PLCB1: variants seen among roughly 807,000 people sequenced by gnomAD.
PLCB1 encodes phospholipase C beta 1.
Under a neutral mutation model 161.8 loss-of-function variants are expected in PLCB1, and 46 were observed. The observed-to-expected ratio is 0.28, with a 90% CI of 0.22 to 0.36. The LOEUF (loss-of-function observed/expected upper bound fraction) is 0.36, where lower values mean the gene tolerates loss of function less well. PLCB1 is among the 10% of genes least tolerant of loss of function. The pLI is 1.00. For missense variants in PLCB1, 1,016 were observed against 1,472.5 expected (o/e 0.69, Z 5.07); for synonymous variants, 517 against 503.7 (o/e 1.03, Z -0.35).
intron 3 of PLCB1, among the ~76,000 whole-genome samples, chr20:8,535,846 T>C (rs1452563833): frequency 6.6e-6 from 1 of 152,184 alleles, no homozygotes; most frequent in Non-Finnish European, 1.5e-5. Flanking sequence ...TTTACCATGA[T>C]GCTGGTGAAA....
intron 3 of PLCB1, among the ~76,000 whole-genome samples, chr20:8,611,922 G>C (rs945295568): frequency 3.9e-5 from 6 of 152,138 alleles, no homozygotes; most frequent in Non-Finnish European, 7.4e-5. Flanking sequence ...CTCCAGCTTG[G>C]ATGATGGAGG....
intron 31 of PLCB1, among the ~76,000 whole-genome samples, chr20:8,828,494 C>T (rs1156943538): frequency 2.0e-5 from 3 of 152,184 alleles, no homozygotes; most frequent in African/African-American, 7.2e-5. Context: ...ACAAGCTGCT[C>T]TCATTACAAC....
At chr20:8,782,917 T>C (rs1376760782) in intron 27 of PLCB1, among the ~76,000 whole-genome samples, 1 of 138,788 alleles carries the variant, frequency 7.2e-6, no homozygotes, top group African/African-American at 3.2e-5. Context: ...AACATACAAA[T>C]TTCTGTCCAC....
At chr20:8,287,152 C>G (rs1983159508) in intron 2 of PLCB1, among the ~76,000 whole-genome samples, 1 of 152,092 alleles carries the variant, frequency 6.6e-6, no homozygotes. Flanking sequence ...CCTACCTATT[C>G]ATGTGTGACT....
chr20:8,408,821 G>A (rs1978903201), intron 3 of PLCB1, among the ~76,000 whole-genome samples: 2 of 152,110 alleles, frequency 1.3e-5, no homozygotes, highest in Admixed American at 6.5e-5. Flanking sequence ...CAGCCTTTCT[G>A]CCCACGCCAC....
At chr20:8,541,667 T>C (rs1379913122) in intron 3 of PLCB1, among the ~76,000 whole-genome samples, 1 of 152,196 alleles carries the variant, frequency 6.6e-6, no homozygotes, top group East Asian at 1.9e-4. Flanking sequence ...GTTCATCAGA[T>C]GTATAACTTA....
intron 9 of PLCB1, among the ~76,000 whole-genome samples, chr20:8,681,138 G>T (rs1223105598): frequency 9.8e-6 from 1 of 101,722 alleles, no homozygotes; most frequent in African/African-American, 3.6e-5. Context: ...TAAAATCAGT[G>T]TCTCATAGCC....
chr20:8,439,266 C>T (rs1980445461), intron 3 of PLCB1, among the ~76,000 whole-genome samples: 1 of 152,156 alleles, frequency 6.6e-6, no homozygotes, highest in South Asian at 2.1e-4. Context: ...GCCAAGCCTC[C>T]AGGCATCTAG....
chr20:8,813,993 G>A (rs1984958417), intron 31 of PLCB1, among the ~76,000 whole-genome samples: 1 of 152,156 alleles, frequency 6.6e-6, no homozygotes. Flanking sequence ...TATGTGATTT[G>A]TAGGTTTTTC....
intron 3 of PLCB1, among the ~76,000 whole-genome samples, chr20:8,608,850 A>G (rs1478715611): frequency 6.6e-6 from 1 of 152,186 alleles, no homozygotes; most frequent in Admixed American, 6.5e-5. Context: ...GAATGAATTC[A>G]CTATTTTACC....
intron 2 of PLCB1, among the ~76,000 whole-genome samples, chr20:8,198,777 A>G (rs2052056958): frequency 6.6e-6 from 1 of 152,156 alleles, no homozygotes; most frequent in Non-Finnish European, 1.5e-5. Flanking sequence ...CTTCTGAAGA[A>G]CTGAATGATA....
chr20:8,135,541 G>C (rs1005878841), intron 1 of PLCB1, among the ~76,000 whole-genome samples: 4 of 152,142 alleles, frequency 2.6e-5, no homozygotes, highest in African/African-American at 9.7e-5. Flanking sequence ...ATAGATCCTG[G>C]AGATACCCTG....
At chr20:8,381,270 C>G (rs898287252) in intron 3 of PLCB1, among the ~76,000 whole-genome samples, 2 of 152,172 alleles carry the variant, frequency 1.3e-5, no homozygotes, top group Admixed American at 6.5e-5. Context: ...GTTGAACCAG[C>G]CTTGCATACC....
chr20:8,370,907 G>T (rs1302865873), intron 2 of PLCB1, among the ~76,000 whole-genome samples: 1 of 152,190 alleles, frequency 6.6e-6, no homozygotes, highest in Non-Finnish European at 1.5e-5. Context: ...CATGAGGTAT[G>T]TGTGCAAAAG....
chr20:8,596,048 G>A (rs1285595145), intron 3 of PLCB1, among the ~76,000 whole-genome samples: 1 of 144,862 alleles, frequency 6.9e-6, no homozygotes, highest in Non-Finnish European at 1.5e-5. Context: ...CCATTTTGTA[G>A]GTTGCCTGTT....
At chr20:8,852,211 A>T (rs1001852273) in intron 31 of PLCB1, among the ~76,000 whole-genome samples, 2 of 152,210 alleles carry the variant, frequency 1.3e-5, no homozygotes, top group Non-Finnish European at 2.9e-5. Flanking sequence ...ACCTACTGAC[A>T]TTAGCGAATA....
intron 3 of PLCB1, among the ~76,000 whole-genome samples, chr20:8,612,332 CAG>C (rs1480420638): frequency 6.6e-6 from 1 of 152,124 alleles, no homozygotes; most frequent in Non-Finnish European, 1.5e-5. Context: ...AGTAAATGTT[CAG>C]AGTTTTCCTG....
chr20:8,326,908 C>T (rs1431722422), intron 2 of PLCB1, among the ~76,000 whole-genome samples: 1 of 152,172 alleles, frequency 6.6e-6, no homozygotes, highest in African/African-American at 2.4e-5. Flanking sequence ...TTGTTTGAGA[C>T]AGGGTCTTGC....
At chr20:8,442,880 C>T (rs1244958954) in intron 3 of PLCB1, among the ~76,000 whole-genome samples, 3 of 152,018 alleles carry the variant, frequency 2.0e-5, no homozygotes, top group Non-Finnish European at 4.4e-5. Flanking sequence ...TGGATAGTAG[C>T]ACACCTTGGA....
Sources: allele counts gnomAD v4.1 joint callset (sites outside exome capture counted in the v4.1 genomes callset), GRCh38; gene constraint gnomAD v4.1.1; transcripts MANE v1.5; gene names NCBI Gene and HGNC (gene_info 2026-07-23, HGNC 2026-07-21).